CACNA2D1: variants seen among roughly 807,000 people sequenced by gnomAD.
CACNA2D1 encodes the protein voltage-dependent calcium channel subunit alpha-2/delta-1.
A neutral mutation model predicts 171.5 loss-of-function variants in CACNA2D1; 53 were observed. The observed-to-expected ratio is 0.31, with a 90% CI of 0.25 to 0.39. The LOEUF (loss-of-function observed/expected upper bound fraction) is 0.39. CACNA2D1 is among the 10% of genes least tolerant of loss of function. The pLI, the probability that CACNA2D1 is intolerant of heterozygous loss-of-function variation, is 1.00. For synonymous variants in CACNA2D1, 442 were observed against 443.1 expected (o/e 1.00, Z 0.03); for missense variants, 903 against 1,299.8 (o/e 0.69, Z 4.69).
rs572732525 is a variant in CACNA2D1, at chr7:81,948,472, A to C, written c.*1920T>G. Reference sequence around the variant, plus strand: ...CCCCCACCTTTTTATTGAAAAAAAAAATCTTGAAATGTACACAAATGGTAC... The same window carrying C: ...CCCCCACCTTTTTATTGAAAAAAAACATCTTGAAATGTACACAAATGGTAC... On this transcript the variant is annotated 3_prime_UTR_variant, in exon 39 of 39. Coordinates refer to ENST00000356860, the MANE Select transcript of CACNA2D1 (RefSeq NM_000722.4). 1 of 151,872 alleles carries C rather than the reference A, an allele frequency of 6.6e-6. No individual in the cohort carries two copies. Among genetic ancestry groups the C allele is most frequent in the African/African-American group, 2.4e-5 (1 of 41,402 alleles). 9.4% of individuals were successfully genotyped at this position (151,872 alleles called of 1,614,324 possible). A position where few individuals can be genotyped will look rare whatever the true frequency, so the allele number is the denominator to read the frequency against.
At chr7:82,176,703 G>T (rs1245526866) in intron 3 of CACNA2D1, among the ~76,000 whole-genome samples, 2 of 151,178 alleles carry the variant, frequency 1.3e-5, no homozygotes, top group African/African-American at 2.4e-5. Flanking sequence ...GTTATTTCTA[G>T]GACAAGAAGC....
intron 2 of CACNA2D1, among the ~76,000 whole-genome samples, chr7:82,336,273 G>A (rs536443046): frequency 5.3e-5 from 8 of 152,222 alleles, no homozygotes; most frequent in South Asian, 2.1e-4. Context: ...TCCCAGCTGC[G>A]CACTGATAAC....
intron 21 of CACNA2D1, among the ~76,000 whole-genome samples, chr7:81,988,360 A>G (rs184013353): frequency 8.5e-5 from 13 of 152,336 alleles, no homozygotes; most frequent in Non-Finnish European, 1.3e-4. Flanking sequence ...AGAAATGCCT[A>G]GAAATTAGAG....
At chr7:82,426,138 T>TATAAATAAATAA (rs56342398) in intron 1 of CACNA2D1, among the ~76,000 whole-genome samples, 5 of 129,012 alleles carry the variant, frequency 3.9e-5, no homozygotes, top group African/African-American at 9.8e-5. Context: ...TTCAAAAATA[T>TATAAATAAATAA]ATAAATAAAT....
intron 24 of CACNA2D1, among the ~76,000 whole-genome samples, chr7:81,977,577 T>G (rs1795979173): frequency 6.6e-6 from 1 of 152,130 alleles, no homozygotes; most frequent in East Asian, 1.9e-4. Flanking sequence ...CTACACCTTA[T>G]ACAAAAATTA....
intron 6 of CACNA2D1, among the ~76,000 whole-genome samples, chr7:82,111,653 T>C (rs1449017343): frequency 6.6e-6 from 1 of 151,474 alleles, no homozygotes; most frequent in Non-Finnish European, 1.5e-5. Context: ...TTCACTATGT[T>C]GCCCAGGCCA....
intron 25 of CACNA2D1, among the ~76,000 whole-genome samples, chr7:81,973,167 G>C (rs1795468148): frequency 1.3e-5 from 2 of 151,858 alleles, no homozygotes; most frequent in South Asian, 4.1e-4. Flanking sequence ...TCATAATTTT[G>C]GTATCCAATT....
chr7:82,176,568 G>A (rs1004147548), intron 3 of CACNA2D1, among the ~76,000 whole-genome samples: 3 of 151,782 alleles, frequency 2.0e-5, no homozygotes, highest in Admixed American at 6.6e-5. Flanking sequence ...AGCCAGGCTG[G>A]AAACTGGGAT....
At chr7:82,178,105 A>G (rs1432060605) in intron 3 of CACNA2D1, among the ~76,000 whole-genome samples, 1 of 152,120 alleles carries the variant, frequency 6.6e-6, no homozygotes, top group African/African-American at 2.4e-5. Flanking sequence ...TATAAATAAA[A>G]CTTGCTGAAA....
intron 3 of CACNA2D1, among the ~76,000 whole-genome samples, chr7:82,176,632 T>A (rs1796562966): frequency 6.6e-6 from 1 of 151,814 alleles, no homozygotes; most frequent in South Asian, 2.1e-4. Context: ...GAGTTAACTT[T>A]GGTACATTTC....
chr7:82,105,576 T>C (rs1787659020), intron 6 of CACNA2D1, among the ~76,000 whole-genome samples: 1 of 152,036 alleles, frequency 6.6e-6, no homozygotes, highest in Non-Finnish European at 1.5e-5. Context: ...ACTATCTCCA[T>C]ATAAAATTTG....
intron 1 of CACNA2D1, among the ~76,000 whole-genome samples, chr7:82,400,417 C>T (rs1289768888): frequency 6.6e-6 from 1 of 152,132 alleles, no homozygotes; most frequent in Non-Finnish European, 1.5e-5. Context: ...AGGTCCTTCA[C>T]ATCCCTTGTA....
chr7:82,207,436 A>T (rs1800115914), intron 3 of CACNA2D1, among the ~76,000 whole-genome samples: 2 of 152,212 alleles, frequency 1.3e-5, no homozygotes, highest in Admixed American at 6.5e-5. Context: ...TTTGTAAAGT[A>T]TCAAATGCCA....
intron 1 of CACNA2D1, among the ~76,000 whole-genome samples, chr7:82,434,630 T>A (rs1284136691): frequency 6.6e-6 from 1 of 152,150 alleles, no homozygotes; most frequent in African/African-American, 2.4e-5. Context: ...CAGTATTTGG[T>A]TTTCTGTTCC....
intron 3 of CACNA2D1, among the ~76,000 whole-genome samples, chr7:82,227,700 G>T (rs1271447875): frequency 5.1e-4 from 78 of 152,196 alleles, no homozygotes; most frequent in Non-Finnish European, 3.1e-4. Flanking sequence ...ATAAACCATT[G>T]TTTGAAACCT....
rs761648569 is a variant in CACNA2D1 at position 81,961,947 on chromosome 7, G to A, written c.2913C>T (p.Phe971=). The part of the protein sequence containing the change: ...SCITEQTQYF[F]DNDSKSFSGV... ...CACTGAATGATTTACTGTCGTTATC[G>A]AAGAAATACTGGGTTTGTTCAGTAA... Residue 971 remains phenylalanine, a synonymous_variant, in exon 36 of 39, where the codon TTC becomes TTT. Transcript: ENST00000356860. The A allele has an allele frequency of 1.2e-5, 19 of 1,611,080 alleles. 1 individual carries two copies. Among genetic ancestry groups the A allele is most frequent in the South Asian group, 5.5e-5 (5 of 91,030 alleles).
At chr7:82,126,761 T>C (rs900626726) in intron 5 of CACNA2D1, among the ~76,000 whole-genome samples, 5 of 152,224 alleles carry the variant, frequency 3.3e-5, no homozygotes, top group African/African-American at 1.2e-4. Flanking sequence ...ATTCCTGTTT[T>C]TCCTGCATAT....
At chr7:82,407,767 C>T (rs1043450753) in intron 1 of CACNA2D1, among the ~76,000 whole-genome samples, 1 of 152,080 alleles carries the variant, frequency 6.6e-6, no homozygotes, top group African/African-American at 2.4e-5. Context: ...GGACTAGACA[C>T]TGTAGAACAT....
intron 1 of CACNA2D1, among the ~76,000 whole-genome samples, chr7:82,400,107 T>C (rs1345349915): frequency 5.3e-5 from 8 of 151,014 alleles, no homozygotes; most frequent in East Asian, 2.0e-4. Context: ...TACTGTAGCC[T>C]TGTAGTATAG....
Sources: allele counts gnomAD v4.1 joint callset (sites outside exome capture counted in the v4.1 genomes callset), GRCh38; gene constraint gnomAD v4.1.1; transcripts MANE v1.5; gene names NCBI Gene and HGNC (gene_info 2026-07-23, HGNC 2026-07-21).